The following H6PD variants were observed in gnomAD, a reference collection of about 807,000 sequenced individuals.
The protein encoded by H6PD is GDH/6PGL endoplasmic bifunctional protein.
A neutral mutation model predicts 61.2 loss-of-function variants in H6PD; 48 were observed. The ratio of observed to expected loss-of-function variants is 0.78; its 90% CI spans 0.62 to 1.00. The LOEUF is 1.00. Ranked by LOEUF, H6PD falls within the 50% of genes least tolerant of loss-of-function variation. H6PD has a pLI of 0.00. For synonymous variants in H6PD, 480 were observed against 457.9 expected (o/e 1.05, Z -0.62); for missense variants, 1,093 against 1,065.0 (o/e 1.03, Z -0.37).
intron 1 of H6PD, 65 bp from the exon 2 acceptor site, chr1:9,244,860 A>G (rs1281708334): frequency 2.7e-6 from 4 of 1,481,578 alleles, no homozygotes; most frequent in Middle Eastern, 2.0e-4. Context: ...TTGTTTCCAC[A>G]TCGTAGCCAC....
chr1:9,258,204 C>T lies in H6PD; in HGVS notation c.746-3855C>T, dbSNP rs1641582577. 2.0e-5 allele frequency among the ~76,000 whole-genome samples: 3 copies of T among 152,042 alleles called. No individual in the cohort carries two copies. The South Asian group carries it at 6.2e-4, about 32-fold the overall frequency. Reference sequence around the variant, plus strand: ...CTATTGTTACACCGGTGTTGTTACGCCAGTGTTGTTATGTTGCTGTTGTTA... The same window carrying T: ...CTATTGTTACACCGGTGTTGTTACGTCAGTGTTGTTATGTTGCTGTTGTTA... On this transcript the variant is annotated intron_variant, in intron 3 of 4. Coordinates refer to ENST00000377403, the MANE Select transcript of H6PD (RefSeq NM_004285.4).
chr1:9,240,650 C>T (rs996664037), intron 1 of H6PD, among the ~76,000 whole-genome samples: 1 of 152,176 alleles, frequency 6.6e-6, no homozygotes, highest in Non-Finnish European at 1.5e-5. Context: ...TCAAACTTTT[C>T]ACTAAAGATT....
intron 1 of H6PD, among the ~76,000 whole-genome samples, chr1:9,239,160 C>T (rs1163571916): frequency 6.6e-6 from 1 of 152,038 alleles, no homozygotes; most frequent in Non-Finnish European, 1.5e-5. Flanking sequence ...AATTATTCTG[C>T]CTCAGCCTCC....
rs1335448096 is a variant in H6PD at position 9,268,216 on chromosome 1, A to T, written c.*3347A>T. On this transcript the variant is annotated 3_prime_UTR_variant, in exon 5 of 5. Transcript: ENST00000377403. ...ATTGCACTATTGCTCTCTAGCCTGG[A>T]AAACAGAGTGAGACCCTATCTCAAA... 6.7e-6 allele frequency: 1 copy of T among 149,916 alleles called. No homozygotes were observed. The highest frequency in any genetic ancestry group is 1.5e-5 in the Non-Finnish European group (1 of 67,932). The allele number at this position is 149,916 out of a possible 1,614,324, so 9.3% of individuals were successfully genotyped here. A position where few individuals can be genotyped will look rare whatever the true frequency, so the allele number is the denominator to read the frequency against.
At chr1:9,244,759 G>GA (rs1217924933) in intron 1 of H6PD, among the ~76,000 whole-genome samples, 166 bp from the exon 2 acceptor site, 3 of 152,240 alleles carry the variant, frequency 2.0e-5, no homozygotes, top group Non-Finnish European at 4.4e-5. Flanking sequence ...TCCTGGAACA[G>GA]AAGCCAAGCT....
chr1:9,252,314 A>G (rs918097556), intron 3 of H6PD, among the ~76,000 whole-genome samples: 1 of 152,182 alleles, frequency 6.6e-6, no homozygotes, highest in African/African-American at 2.4e-5. Flanking sequence ...ACCTTTTAAT[A>G]TTTATATTTC....
chr1:9,236,919 T>C (rs988607797), intron 1 of H6PD, among the ~76,000 whole-genome samples: 1 of 152,134 alleles, frequency 6.6e-6, no homozygotes, highest in Non-Finnish European at 1.5e-5. Context: ...ACAAAGCAAC[T>C]GAGGCTTATA....
rs549281803 is a variant in H6PD at position 9,268,105 on chromosome 1, G to A, written c.*3236G>A. 6.6e-6 allele frequency: 1 copy of A among 152,232 alleles called. No individual in the cohort carries two copies. Among genetic ancestry groups the A allele is most frequent in the Non-Finnish European group, 1.5e-5 (1 of 68,048 alleles). The allele number at this position is 152,232 out of a possible 1,614,324, so 9.4% of individuals were successfully genotyped here. ...AAAAAGTTTTAAAACCAGGTATGGT[G>A]GTGCCCTCCTGTGGTCCCAGCTACT... On this transcript the variant is annotated 3_prime_UTR_variant, in exon 5 of 5. Coordinates refer to ENST00000377403, the MANE Select transcript of H6PD (RefSeq NM_004285.4).
rs916078867 is a variant in H6PD, at chr1:9,266,466, C to A, written c.*1597C>A. 6.6e-6 allele frequency: 1 copy of A among 152,218 alleles called. No individual in the cohort carries two copies. Among genetic ancestry groups the A allele is most frequent in the African/African-American group, 2.4e-5 (1 of 41,444 alleles). 9.4% of individuals were successfully genotyped at this position (152,218 alleles called of 1,614,324 possible). ...GGCTCTGACATTCTTTTTAAAAACA[C>A]CACAAAGCAAAATTCCCAGGACATG... On this transcript the variant is annotated 3_prime_UTR_variant, in exon 5 of 5. Coordinates refer to ENST00000377403, the MANE Select transcript of H6PD (RefSeq NM_004285.4).
chr1:9,263,490 T>C lies in H6PD; in HGVS notation c.1016-19T>C, dbSNP rs140374783. 1.7e-4 allele frequency: 280 copies of C among 1,613,132 alleles called. 1 individual carries two copies. The African/African-American group carries it at 2.9e-3, about 17-fold the overall frequency. On this transcript the variant is annotated intron_variant, in intron 4 of 4. Transcript: ENST00000377403. ...TGGTCTGTGCCAGAGAGTCACCCTC[T>C]GCTGTTCCCTCACCCCAGCCGTCCT...
intron 3 of H6PD, 89 bp from the exon 4 acceptor site, chr1:9,261,970 T>C (rs1570120672): frequency 1.5e-6 from 2 of 1,317,458 alleles, no homozygotes; most frequent in South Asian, 2.4e-5. Flanking sequence ...AGGATGAATG[T>C]GCGGGCTGGG....
chr1:9,264,276 C>T lies in H6PD; in HGVS notation c.1783C>T (p.Pro595Ser). ...CCTGGCACTGTCGGGGGGCTCGAGCCCCGTGGCCCTGTTCCAGCAGCTGGC... is the reference window on the plus strand; with the variant it reads ...CCTGGCACTGTCGGGGGGCTCGAGCTCCGTGGCCCTGTTCCAGCAGCTGGC... ...FHLALSGGSSPVALFQQLATA... is the reference protein window; with the variant it reads ...FHLALSGGSSSVALFQQLATA... Residue 595 changes from proline (P) to serine (S), a missense_variant, in exon 5 of 5, where the codon CCC becomes TCC. By Grantham distance (74) the Pro-to-Ser change is moderately conservative. Transcript: ENST00000377403. 1 of 1,610,352 alleles carries T rather than the reference C, an allele frequency of 6.2e-7. No homozygotes were observed. The highest frequency in any genetic ancestry group is 8.5e-7 in the Non-Finnish European group (1 of 1,179,496).
At chr1:9,253,087 C>T (rs1641416846) in intron 3 of H6PD, among the ~76,000 whole-genome samples, 1 of 152,216 alleles carries the variant, frequency 6.6e-6, no homozygotes, top group Non-Finnish European at 1.5e-5. Context: ...CCCTCGCCTC[C>T]TGTCCTTGCA....
chr1:9,238,872 A>G lies in H6PD; in HGVS notation c.-11+3806A>G, dbSNP rs185453221. On this transcript the variant is annotated intron_variant, in intron 1 of 4. Coordinates refer to ENST00000377403, the MANE Select transcript of H6PD (RefSeq NM_004285.4). ...GGAACCTGATTTATAGCCTTTGCCT[A>G]TATCTGTGGTGTAAATATTCTGACG... 7.2e-5 allele frequency among the ~76,000 whole-genome samples: 11 copies of G among 152,272 alleles called. No homozygotes were observed. In the East Asian group the frequency reaches 1.9e-3, roughly 27 times the overall value.
rs778183849 is a variant in H6PD, at chr1:9,264,863, G to A, written c.2370G>A (p.Leu790=). The change falls in exon 5 of 5, where the codon CTG becomes CTA. Residue 790 remains leucine, a synonymous_variant. Coordinates refer to ENST00000377403, the MANE Select transcript of H6PD (RefSeq NM_004285.4). Reference sequence around the variant, plus strand: ...GGTACATGGACTACGACGCCTTCCTGGGATGAGGGCGCCTGTGCCCCTTGC... The same window carrying A: ...GGTACATGGACTACGACGCCTTCCTAGGATGAGGGCGCCTGTGCCCCTTGC... ...LVWYMDYDAF[L]G 1.2e-6 allele frequency: 2 copies of A among 1,611,530 alleles called. No individual in the cohort carries two copies. The highest frequency in any genetic ancestry group is 1.7e-6 in the Non-Finnish European group (2 of 1,179,996).
intron 4 of H6PD, 126 bp from the exon 5 acceptor site, chr1:9,263,383 A>G (rs1313922508): frequency 3.4e-6 from 3 of 876,370 alleles, no homozygotes; most frequent in East Asian, 4.8e-5. Flanking sequence ...AGGGGTGAGC[A>G]TGGCAAGGCG....
rs376601311 is a variant in H6PD at position 9,245,605 on chromosome 1, C to T, written c.627+44C>T. 13 of 1,590,420 alleles carry T rather than the reference C, an allele frequency of 8.2e-6. No individual in the cohort carries two copies. The highest frequency in any genetic ancestry group is 1.7e-4 in the Middle Eastern group (1 of 6,038). On this transcript the variant is annotated intron_variant, in intron 2 of 4. Transcript: ENST00000377403. The surrounding 1 kb of genome is among the most constrained non-coding windows in gnomAD (Gnocchi z 4.8). ...CCTGCCAGGGCTAGGGTGAGCTGGG[C>T]GCTGGTAGACCCCAGCAACAAAGCC...
intron 3 of H6PD, among the ~76,000 whole-genome samples, chr1:9,250,352 CG>C (rs1489668882): frequency 6.6e-6 from 1 of 151,900 alleles, no homozygotes; most frequent in African/African-American, 2.4e-5. Context: ...TCAAAGTGCA[CG>C]GCAGGCCATT....
intron 3 of H6PD, among the ~76,000 whole-genome samples, chr1:9,256,307 T>G (rs1490568370): frequency 6.6e-6 from 1 of 152,226 alleles, no homozygotes; most frequent in Non-Finnish European, 1.5e-5. Flanking sequence ...TTGGCACAGT[T>G]GGGCTGGACT....
Sources: gnomAD v4.1 joint callset for allele counts (sites outside exome capture counted in the v4.1 genomes callset) on GRCh38, gnomAD v4.1.1 for gene constraint, Gnocchi (gnomAD v3.1) non-coding constraint, MANE v1.5 for transcripts, NCBI Gene and HGNC (gene_info 2026-07-23, HGNC 2026-07-21) for gene names.